Variants in CTNNA3 observed in about 807,000 individuals in gnomAD.
The protein encoded by CTNNA3 is catenin alpha-3.
A neutral mutation model predicts 95.7 loss-of-function variants in CTNNA3; 76 were observed. The observed-to-expected ratio is 0.79, with a 90% CI of 0.66 to 0.96. CTNNA3 has a LOEUF of 0.96. Ranked by LOEUF, CTNNA3 falls within the 40% of genes least tolerant of loss-of-function variation. CTNNA3 has a pLI of 0.00. For missense variants in CTNNA3, 1,191 were observed against 1,089.8 expected (o/e 1.09, Z -1.31); for synonymous variants, 431 against 374.4 (o/e 1.15, Z -1.74).
At chr10:66,640,150 A>C (rs1845466931) in intron 9 of CTNNA3, among the ~76,000 whole-genome samples, 1 of 152,068 alleles carries the variant, frequency 6.6e-6, no homozygotes, top group Non-Finnish European at 1.5e-5. Context: ...CCCAATGCCT[A>C]CTCTCAACTC....
intron 7 of CTNNA3, among the ~76,000 whole-genome samples, chr10:67,155,544 TGTGTG>T (rs369770916): frequency 0.62 from 94,178 of 151,472 alleles, 30,252 homozygotes; most frequent in African/African-American, 0.79. Flanking sequence ...TGTGTGTGTG[TGTGTG>T]TTGTACATTC....
At chr10:66,360,743 T>C (rs200780538) in intron 12 of CTNNA3, among the ~76,000 whole-genome samples, 4,785 of 38,196 alleles carry the variant, frequency 0.13, 869 homozygotes, top group East Asian at 0.4. Context: ...TTTCTTTCTT[T>C]CTTCCTTCCT....
chr10:66,314,684 G>A (rs1377324883), intron 12 of CTNNA3, among the ~76,000 whole-genome samples: 2 of 151,950 alleles, frequency 1.3e-5, no homozygotes, highest in African/African-American at 4.8e-5. Flanking sequence ...AAATAGAGTA[G>A]AACTTCTTCA....
chr10:67,452,177 G>A (rs755102333), intron 5 of CTNNA3, among the ~76,000 whole-genome samples: 16 of 151,858 alleles, frequency 1.1e-4, no homozygotes, highest in African/African-American at 2.7e-4. Context: ...ATTCCAGGGC[G>A]TTGTTAATTT....
In CTNNA3 at chr10:66,939,198, T is replaced by C. The variant is rs138827755; in HGVS notation, c.1048-163674A>G. Among the ~76,000 whole-genome samples, 500 of 152,324 alleles carry C rather than the reference T, an allele frequency of 3.3e-3. 2 individuals carry two copies. Among genetic ancestry groups the C allele is most frequent in the African/African-American group, 0.012 (479 of 41,578 alleles). ...TTTTTTACCTCCTAAAAGCTGATCA[T>C]GCAGAAGGCATGTTAGATCATACAG... On this transcript the variant is annotated intron_variant, in intron 7 of 17. Coordinates refer to ENST00000433211, the MANE Select transcript of CTNNA3 (RefSeq NM_013266.4).
At position 67,211,379 on chromosome 10, in the gene CTNNA3, G is replaced by A. The variant is rs1485535172; in HGVS notation, c.843+8228C>T. ...CGATCTATAATGCCATGTACATCAT[G>A]GGGTCTAAGAGTCCCAAGAAGCCAA... On this transcript the variant is annotated intron_variant, in intron 6 of 17. Coordinates refer to ENST00000433211, the MANE Select transcript of CTNNA3 (RefSeq NM_013266.4). Among the ~76,000 whole-genome samples the A allele has an allele frequency of 2.6e-5, 4 of 152,090 alleles. No individual in the cohort carries two copies. The East Asian group carries it at 5.8e-4, about 22-fold the overall frequency.
intron 7 of CTNNA3, among the ~76,000 whole-genome samples, chr10:67,062,271 T>C (rs1323465174): frequency 2.0e-5 from 3 of 152,194 alleles, no homozygotes; most frequent in Non-Finnish European, 4.4e-5. Flanking sequence ...TATTCTTTAT[T>C]GTAACTTATA....
intron 5 of CTNNA3, among the ~76,000 whole-genome samples, chr10:67,363,389 C>A (rs1034762345): frequency 5.9e-5 from 9 of 151,598 alleles, no homozygotes; most frequent in African/African-American, 1.9e-4. Context: ...AGTAAACAAA[C>A]AACATAGTAC....
chr10:66,790,275 C>A (rs1373150729), intron 7 of CTNNA3, among the ~76,000 whole-genome samples: 1 of 152,042 alleles, frequency 6.6e-6, no homozygotes, highest in Non-Finnish European at 1.5e-5. Context: ...ATGGTGAAAC[C>A]CTGTCTCTAC....
chr10:66,659,814 C>T lies in CTNNA3; in HGVS notation c.1282-38030G>A, dbSNP rs534357846. On this transcript the variant is annotated intron_variant, in intron 9 of 17. Coordinates refer to ENST00000433211, the MANE Select transcript of CTNNA3 (RefSeq NM_013266.4). ...GCCCGAGCTTTGATCTTAGACTTCC[C>T]AACCTCCAGAACTGTAAGAAATAAA... Among the ~76,000 whole-genome samples, 339 of 152,246 alleles carry T rather than the reference C, an allele frequency of 2.2e-3. 1 individual carries two copies. The highest frequency in any genetic ancestry group is 0.014 in the Middle Eastern group (4 of 294).
intron 4 of CTNNA3, among the ~76,000 whole-genome samples, chr10:67,527,779 A>G (rs1261214003): frequency 6.6e-6 from 1 of 152,236 alleles, no homozygotes; most frequent in African/African-American, 2.4e-5. Context: ...CAAGCTAGTC[A>G]AGAGCAAAGA....
At chr10:66,489,655 C>G (rs983141588) in intron 11 of CTNNA3, among the ~76,000 whole-genome samples, 23 of 152,130 alleles carry the variant, frequency 1.5e-4, no homozygotes, top group Non-Finnish European at 3.1e-4. Flanking sequence ...ATGAAGCCTT[C>G]CCTCTCCTTT....
At chr10:67,244,165 T>G (rs1461543931) in intron 5 of CTNNA3, among the ~76,000 whole-genome samples, 1 of 152,240 alleles carries the variant, frequency 6.6e-6, no homozygotes, top group Non-Finnish European at 1.5e-5. Flanking sequence ...CTGACTAGGC[T>G]AAGTAGATTT....
intron 7 of CTNNA3, among the ~76,000 whole-genome samples, chr10:67,010,502 G>A (rs970212178): frequency 2.6e-5 from 4 of 152,072 alleles, no homozygotes; most frequent in African/African-American, 9.7e-5. Flanking sequence ...GTCCCCAGAT[G>A]GCTGCTATCC....
At chr10:67,288,545 A>G (rs1309716232) in intron 5 of CTNNA3, among the ~76,000 whole-genome samples, 1 of 152,214 alleles carries the variant, frequency 6.6e-6, no homozygotes, top group East Asian at 1.9e-4. Context: ...TTGCAACCTT[A>G]ACAGAAAATG....
Position 66,069,525 on chromosome 10 carries a change from A to G in CTNNA3, c.1978-36T>C, listed in dbSNP as rs201955158. The G allele has an allele frequency of 7.5e-5, 113 of 1,512,550 alleles. 1 individual carries two copies. The highest frequency in any genetic ancestry group is 8.9e-5 in the Non-Finnish European group (99 of 1,116,382). The allele number at this position is 1,512,550 out of a possible 1,614,324, so 93.7% of individuals were successfully genotyped here. A position where few individuals can be genotyped will look rare whatever the true frequency, so the allele number is the denominator to read the frequency against. On this transcript the variant is annotated intron_variant, in intron 14 of 17. Transcript: ENST00000433211. Reference sequence around the variant, plus strand: ...TGATAATTAGAGTTAAAATCATTCCACTATGTCAAAAGCATTTTAGGAATA... The same window carrying G: ...TGATAATTAGAGTTAAAATCATTCCGCTATGTCAAAAGCATTTTAGGAATA...
Position 67,180,046 on chromosome 10 carries a change from C to T in CTNNA3, c.1047+271G>A, listed in dbSNP as rs544118312. 3.1e-3 allele frequency among the ~76,000 whole-genome samples: 467 copies of T among 152,218 alleles called. 3 individuals carry two copies. Among genetic ancestry groups the T allele is most frequent in the Non-Finnish European group, 5.5e-3 (377 of 67,994 alleles). Reference sequence around the variant, plus strand: ...GCAACTCTAGTTTCCTTTCTCCAATCCTGATTCCCTTCTTCAACTAATAGT... The same window carrying T: ...GCAACTCTAGTTTCCTTTCTCCAATTCTGATTCCCTTCTTCAACTAATAGT... On this transcript the variant is annotated intron_variant, in intron 7 of 17. Transcript: ENST00000433211.
intron 11 of CTNNA3, among the ~76,000 whole-genome samples, chr10:66,487,293 C>G (rs560772725): frequency 1.4e-5 from 2 of 143,360 alleles, no homozygotes; most frequent in African/African-American, 5.1e-5. Context: ...GCTCCGCCTC[C>G]CGGGTTCACG....
chr10:66,448,114 A>G lies in CTNNA3; in HGVS notation c.1532-68762T>C, dbSNP rs1055904513. 5.9e-5 allele frequency among the ~76,000 whole-genome samples: 9 copies of G among 152,278 alleles called. No individual in the cohort carries two copies. In the East Asian group the frequency reaches 1.7e-3, roughly 29 times the overall value. On this transcript the variant is annotated intron_variant, in intron 11 of 17. Coordinates refer to ENST00000433211, the MANE Select transcript of CTNNA3 (RefSeq NM_013266.4). Reference sequence around the variant, plus strand: ...CTGGCCATCAGAGAAATGCAAATCAAAACCACAATGAGATACCATCTCACA... The same window carrying G: ...CTGGCCATCAGAGAAATGCAAATCAGAACCACAATGAGATACCATCTCACA...
Sources: allele counts gnomAD v4.1 joint callset (sites outside exome capture counted in the v4.1 genomes callset), GRCh38; gene constraint gnomAD v4.1.1; transcripts MANE v1.5; gene names NCBI Gene and HGNC (gene_info 2026-07-23, HGNC 2026-07-21).